UGT2A1: variants seen among roughly 807,000 people sequenced by gnomAD.
UGT2A1 encodes the protein UDP-glucuronosyltransferase 2A1.
A neutral mutation model predicts 45.4 loss-of-function variants in UGT2A1; 61 were observed. The observed-to-expected ratio is 1.34, with a 90% CI of 1.09 to 1.66. The LOEUF is 1.66. Among genes scored for constraint, UGT2A1 ranks in the 40% most tolerant of loss-of-function variants. The pLI is 0.00. For synonymous variants in UGT2A1, 229 were observed against 196.2 expected (o/e 1.17, Z -1.40); for missense variants, 649 against 574.3 (o/e 1.13, Z -1.33).
chr4:69,611,706 G>T (rs1213231160), intron 3 of UGT2A1, among the ~76,000 whole-genome samples: 1 of 152,084 alleles, frequency 6.6e-6, no homozygotes, highest in African/African-American at 2.4e-5. Flanking sequence ...AATCACTTTT[G>T]AGTAAGCAAG....
intron 3 of UGT2A1, among the ~76,000 whole-genome samples, chr4:69,618,354 C>G (rs1333149332): frequency 2.5e-5 from 2 of 80,380 alleles, no homozygotes; most frequent in Non-Finnish European, 6.0e-5. Flanking sequence ...GGAACTCATA[C>G]TAATCAATCT....
At chr4:69,648,905 A>G (rs981223722) in intron 1 of UGT2A1, among the ~76,000 whole-genome samples, 1 of 152,040 alleles carries the variant, frequency 6.6e-6, no homozygotes, top group Non-Finnish European at 1.5e-5. Context: ...CCACTGGGAT[A>G]GATTGCCACA....
At chr4:69,645,256 G>A (rs868678609) in intron 2 of UGT2A1, among the ~76,000 whole-genome samples, 5 of 151,552 alleles carry the variant, frequency 3.3e-5, no homozygotes, top group Admixed American at 1.3e-4. Context: ...ACTGGATTTC[G>A]CCAAATATTC....
At chr4:69,590,415 T>G (rs962874809) in intron 6 of UGT2A1, among the ~76,000 whole-genome samples, 1 of 152,228 alleles carries the variant, frequency 6.6e-6, no homozygotes, top group African/African-American at 2.4e-5. Flanking sequence ...ACTTGCAGTT[T>G]CCCTAGTTGT....
Position 69,589,222 on chromosome 4 carries a change from G to C in UGT2A1, c.*150C>G, listed in dbSNP as rs1357992023. The C allele has an allele frequency of 4.0e-6, 4 of 1,009,710 alleles. No individual in the cohort carries two copies. The highest frequency in any genetic ancestry group is 4.1e-6 in the Non-Finnish European group (3 of 733,626). 62.5% of individuals were successfully genotyped at this position (1,009,710 alleles called of 1,614,324 possible). On this transcript the variant is annotated 3_prime_UTR_variant, in exon 7 of 7. Coordinates refer to ENST00000286604, the MANE Select transcript of UGT2A1 (RefSeq NM_001252275.3). Reference sequence around the variant, plus strand: ...TCATGCCAAAATCTAGGCTTTATCAGTAGGCTTATCGCAGGTAGAGAAATA... The same window carrying C: ...TCATGCCAAAATCTAGGCTTTATCACTAGGCTTATCGCAGGTAGAGAAATA...
At chr4:69,621,170 A>G (rs1720732796) in intron 3 of UGT2A1, among the ~76,000 whole-genome samples, 1 of 152,046 alleles carries the variant, frequency 6.6e-6, no homozygotes. Context: ...TAAACTTAAG[A>G]GCTTCTGCAC....
At chr4:69,599,951 G>A (rs917104511) in intron 3 of UGT2A1, among the ~76,000 whole-genome samples, 1 of 152,134 alleles carries the variant, frequency 6.6e-6, no homozygotes, top group African/African-American at 2.4e-5. Flanking sequence ...GCAAATCAGA[G>A]GCATTGCTAG....
At chr4:69,645,281 T>C (rs950534876) in intron 2 of UGT2A1, among the ~76,000 whole-genome samples, 5 of 151,788 alleles carry the variant, frequency 3.3e-5, no homozygotes, top group African/African-American at 1.2e-4. Flanking sequence ...AAGTATCACA[T>C]ACACAGCATG....
intron 3 of UGT2A1, among the ~76,000 whole-genome samples, chr4:69,600,896 TC>T (rs1168570317): frequency 6.6e-6 from 1 of 152,050 alleles, no homozygotes; most frequent in African/African-American, 2.4e-5. Context: ...TCATGAATAC[TC>T]TACCCCCATG....
intron 1 of UGT2A1, among the ~76,000 whole-genome samples, chr4:69,650,466 G>A (rs1240383348): frequency 1.3e-5 from 2 of 151,900 alleles, no homozygotes; most frequent in Non-Finnish European, 2.9e-5. Context: ...TTCACATTAT[G>A]CTGCTTAATA....
rs781112509 is a variant in UGT2A1, at chr4:69,599,312, A to C, written c.930T>G (p.Arg310=). 3.4e-5 allele frequency: 55 copies of C among 1,613,800 alleles called. No individual in the cohort carries two copies. In the Admixed American group the frequency reaches 9.0e-4, roughly 26 times the overall value. ...CAAACTCAAAATTAGGTAAGTATGG[A>C]CGAGGAAATTCAAAATCCCAATATG... ...IRTYWDFEFP[R]PYLPNFEFVG... The change falls in exon 4 of 7, where the codon CGT becomes CGG. Residue 310 remains arginine (R), a synonymous_variant. Coordinates refer to ENST00000286604, the MANE Select transcript of UGT2A1 (RefSeq NM_001252275.3).
At chr4:69,646,862 TAAA>T in intron 2 of UGT2A1, 65 bp downstream of exon 2, 2 of 1,120,080 alleles carry the variant, frequency 1.8e-6, no homozygotes, top group Non-Finnish European at 2.5e-6. Flanking sequence ...CATAGGGAAA[TAAA>T]GAAGAGGCTC....
At chr4:69,597,314 G>T (rs1384306822) in intron 4 of UGT2A1, among the ~76,000 whole-genome samples, 1 of 152,118 alleles carries the variant, frequency 6.6e-6, no homozygotes, top group Non-Finnish European at 1.5e-5. Flanking sequence ...TGTATAAGCT[G>T]CCATGAGTGT....
At chr4:69,591,191 T>C (rs1399967979) in intron 6 of UGT2A1, among the ~76,000 whole-genome samples, 1 of 151,676 alleles carries the variant, frequency 6.6e-6, no homozygotes, top group Non-Finnish European at 1.5e-5. Context: ...AAAATATGAG[T>C]GACCATGGCC....
At chr4:69,608,584 G>T (rs1275507091) in intron 3 of UGT2A1, among the ~76,000 whole-genome samples, 1 of 151,684 alleles carries the variant, frequency 6.6e-6, no homozygotes, top group African/African-American at 2.4e-5. Context: ...AAGAAAAAAA[G>T]AAAATAGGTA....
rs745921410 is a variant in UGT2A1 at position 69,647,619 on chromosome 4, G to A, written c.26C>T (p.Ser9Phe). Residue 9 changes from serine (S) to phenylalanine (F), a missense_variant, in exon 2 of 7, where the codon TCC becomes TTC. Coordinates refer to ENST00000286604, the MANE Select transcript of UGT2A1 (RefSeq NM_001252275.3). MLNNLLLF[S>F]LQISLIGTTL... ...GGTTCCTATGAGACTTATCTGAAGG[G>A]AGAACAGCAGAAGGTTGTTTAACAT... is the stretch of plus-strand genomic sequence containing the variant. 6 of 1,589,906 alleles carry A rather than the reference G, an allele frequency of 3.8e-6. No homozygotes were observed. The highest frequency in any genetic ancestry group is 5.1e-6 in the Non-Finnish European group (6 of 1,169,642).
At chr4:69,615,380 C>A (rs1720318108) in intron 3 of UGT2A1, among the ~76,000 whole-genome samples, 1 of 151,918 alleles carries the variant, frequency 6.6e-6, no homozygotes, top group South Asian at 2.1e-4. Flanking sequence ...ATCACATCAA[C>A]CTCAACCGAA....
intron 3 of UGT2A1, among the ~76,000 whole-genome samples, chr4:69,632,961 T>C (rs1199439767): frequency 6.6e-6 from 1 of 152,088 alleles, no homozygotes; most frequent in Admixed American, 6.5e-5. Flanking sequence ...CACTAGAGAT[T>C]CTTGATGGCT....
At chr4:69,620,026 C>A (rs1212905961) in intron 3 of UGT2A1, among the ~76,000 whole-genome samples, 1 of 151,918 alleles carries the variant, frequency 6.6e-6, no homozygotes, top group Non-Finnish European at 1.5e-5. Flanking sequence ...CCAGCCAACA[C>A]CATACTGAAT....
Sources: gnomAD v4.1 joint callset for allele counts (sites outside exome capture counted in the v4.1 genomes callset) on GRCh38, gnomAD v4.1.1 for gene constraint, MANE v1.5 for transcripts, NCBI Gene and HGNC (gene_info 2026-07-23, HGNC 2026-07-21) for gene names.